The following SRBD1 variants were observed in gnomAD, a reference collection of about 807,000 sequenced individuals.
The protein encoded by SRBD1 is S1 RNA binding domain 1.
A neutral mutation model predicts 115.3 loss-of-function variants in SRBD1; 88 were observed. That is an observed-to-expected ratio of 0.76 (90% CI 0.64 to 0.91). The LOEUF is 0.91. SRBD1 is among the 40% of genes least tolerant of loss of function. The pLI is 0.00. For synonymous variants in SRBD1, 509 were observed against 407.7 expected (o/e 1.25, Z -2.99); for missense variants, 1,385 against 1,177.4 (o/e 1.18, Z -2.58).
chr2:45,610,537 C>G (rs550216863), intron 1 of SRBD1, among the ~76,000 whole-genome samples: 6 of 152,300 alleles, frequency 3.9e-5, no homozygotes, highest in Admixed American at 3.3e-4. Flanking sequence ...GCCTGGAACA[C>G]CAAGACTAGT....
chr2:45,536,143 T>G (rs1188731458), intron 14 of SRBD1, among the ~76,000 whole-genome samples: 1 of 151,928 alleles, frequency 6.6e-6, no homozygotes, highest in Non-Finnish European at 1.5e-5. Flanking sequence ...AACAGAATAT[T>G]TGCATATTAT....
At chr2:45,446,677 G>A (rs554130020) in intron 16 of SRBD1, among the ~76,000 whole-genome samples, 1 of 151,096 alleles carries the variant, frequency 6.6e-6, no homozygotes, top group Admixed American at 6.6e-5. Flanking sequence ...AAAGACATGA[G>A]CATCTAGGCA....
At chr2:45,476,809 C>T (rs1395906216) in intron 16 of SRBD1, among the ~76,000 whole-genome samples, 184 bp downstream of exon 16, 10 of 152,134 alleles carry the variant, frequency 6.6e-5, no homozygotes, top group Admixed American at 2.0e-4. Flanking sequence ...ATCATTAACA[C>T]GAGAACAACA....
At chr2:45,579,788 C>T (rs1287787678) in intron 7 of SRBD1, 87 bp downstream of exon 7, 3 of 1,401,388 alleles carry the variant, frequency 2.1e-6, no homozygotes, top group East Asian at 2.4e-5. Context: ...ATAATCAGTA[C>T]TTAACAAAAC....
At chr2:45,439,360 CATAT>C (rs5830860) in intron 16 of SRBD1, among the ~76,000 whole-genome samples, 7 of 144,440 alleles carry the variant, frequency 4.8e-5, no homozygotes, top group African/African-American at 1.3e-4. Context: ...TATTCTAGGA[CATAT>C]ATATATATAT....
chr2:45,551,428 ATT>A (rs1473740256), intron 11 of SRBD1, 146 bp from the exon 12 acceptor site: 10 of 833,218 alleles, frequency 1.2e-5, no homozygotes, highest in African/African-American at 3.5e-5. Context: ...CAAAAATTAT[ATT>A]GAGTCTATTT....
At chr2:45,591,807 G>A (rs1002487584) in intron 4 of SRBD1, among the ~76,000 whole-genome samples, 1 of 152,142 alleles carries the variant, frequency 6.6e-6, no homozygotes, top group African/African-American at 2.4e-5. Context: ...TTTCCTGATG[G>A]TCCATACTTA....
At chr2:45,548,084 T>C (rs1672179418) in intron 12 of SRBD1, among the ~76,000 whole-genome samples, 1 of 151,322 alleles carries the variant, frequency 6.6e-6, no homozygotes, top group Non-Finnish European at 1.5e-5. Flanking sequence ...AACAATTAAA[T>C]TTAAAATAAT....
At chr2:45,572,339 T>C (rs996705098) in intron 9 of SRBD1, among the ~76,000 whole-genome samples, 3 of 152,132 alleles carry the variant, frequency 2.0e-5, no homozygotes, top group Non-Finnish European at 2.9e-5. Context: ...CAGTTTTGCA[T>C]GATAAAAAAA....
chr2:45,472,708 A>G (rs1669686589), intron 16 of SRBD1, among the ~76,000 whole-genome samples: 1 of 152,230 alleles, frequency 6.6e-6, no homozygotes, highest in African/African-American at 2.4e-5. Flanking sequence ...CTGCAAAAAC[A>G]GTGAATTTGT....
intron 16 of SRBD1, among the ~76,000 whole-genome samples, chr2:45,473,174 C>A: frequency 1.3e-5 from 2 of 151,936 alleles, no homozygotes. Flanking sequence ...TTACATTTTA[C>A]TCTCATGATT....
intron 19 of SRBD1, among the ~76,000 whole-genome samples, chr2:45,397,124 T>C (rs1239360178): frequency 6.6e-6 from 1 of 152,150 alleles, no homozygotes; most frequent in African/African-American, 2.4e-5. Flanking sequence ...TAGAAATGAA[T>C]AGGTACAGGT....
At chr2:45,425,191 G>A (rs1668117085) in intron 16 of SRBD1, among the ~76,000 whole-genome samples, 1 of 146,694 alleles carries the variant, frequency 6.8e-6, no homozygotes, top group African/African-American at 2.4e-5. Flanking sequence ...TTATTTAGGG[G>A]CTCAAAGTCA....
intron 14 of SRBD1, among the ~76,000 whole-genome samples, chr2:45,536,592 G>C (rs1671770882): frequency 6.6e-6 from 1 of 151,980 alleles, no homozygotes; most frequent in Non-Finnish European, 1.5e-5. Context: ...AGTTTTCTTT[G>C]ACATGAGGAA....
chr2:45,465,268 T>C (rs576559102), intron 16 of SRBD1, among the ~76,000 whole-genome samples: 11 of 152,258 alleles, frequency 7.2e-5, no homozygotes, highest in Middle Eastern at 6.8e-3. Context: ...TAGGCAACAA[T>C]GACACGGAAA....
chr2:45,422,087 CA>C (rs1318942030), intron 16 of SRBD1, among the ~76,000 whole-genome samples: 1 of 151,752 alleles, frequency 6.6e-6, no homozygotes, highest in Non-Finnish European at 1.5e-5. Context: ...ACAATGATAG[CA>C]ACAAGAAAAA....
intron 5 of SRBD1, 31 bp downstream of exon 5, chr2:45,585,577 C>G: frequency 6.3e-7 from 1 of 1,595,602 alleles, no homozygotes; most frequent in Non-Finnish European, 8.5e-7. Flanking sequence ...TTTCCCCTTA[C>G]ACTAGGCTTA....
chr2:45,393,257 T>C, intron 19 of SRBD1, 128 bp from the exon 20 acceptor site: 1 of 934,160 alleles, frequency 1.1e-6, no homozygotes, highest in Non-Finnish European at 1.5e-6. Context: ...TTATTGAGAA[T>C]CTATTATGTG....
At chr2:45,520,254 T>C (rs1284781466) in intron 14 of SRBD1, among the ~76,000 whole-genome samples, 5 of 152,226 alleles carry the variant, frequency 3.3e-5, no homozygotes, top group Non-Finnish European at 7.3e-5. Context: ...GTCAAGCCCA[T>C]GTCTGCAGGA....
Sources: gnomAD v4.1 joint callset for allele counts (sites outside exome capture counted in the v4.1 genomes callset) on GRCh38, gnomAD v4.1.1 for gene constraint, MANE v1.5 for transcripts, NCBI Gene and HGNC (gene_info 2026-07-23, HGNC 2026-07-21) for gene names.